The following MTA3 variants were observed in gnomAD, a reference collection of about 807,000 sequenced individuals.
The protein encoded by MTA3 is metastasis-associated protein MTA3.
A neutral mutation model predicts 83.5 loss-of-function variants in MTA3; 34 were observed. That is an observed-to-expected ratio of 0.41 (90% CI 0.31 to 0.54). MTA3 has a LOEUF of 0.54. MTA3 is among the 20% of genes least tolerant of loss of function. The pLI is 0.33. For synonymous variants in MTA3, 303 were observed against 252.7 expected, an observed-to-expected ratio of 1.20 and a Z score of -1.89; for missense variants, 761 against 726.4, an observed-to-expected ratio of 1.05 and a Z score of -0.55.
chr2:42,732,336 T>G (rs1218286632), intron 16 of MTA3, among the ~76,000 whole-genome samples: 1 of 152,224 alleles, frequency 6.6e-6, no homozygotes. Context: ...CAACACCATG[T>G]GGAAGCTGCC....
chr2:42,722,854 T>C (rs566141717), intron 15 of MTA3, 35 bp from the exon 16 acceptor site: 2 of 1,548,954 alleles, frequency 1.3e-6, no homozygotes, highest in South Asian at 1.2e-5. Context: ...TTTAATATCA[T>C]GTTCTGAATT....
chr2:42,684,149 A>G (rs1342304282), intron 9 of MTA3, among the ~76,000 whole-genome samples: 3 of 152,058 alleles, frequency 2.0e-5, no homozygotes, highest in Non-Finnish European at 4.4e-5. Context: ...GTGTTTATGG[A>G]CTTACTGTCT....
chr2:42,554,494 A>G (rs1372696601), intron 2 of MTA3, among the ~76,000 whole-genome samples: 1 of 152,152 alleles, frequency 6.6e-6, no homozygotes, highest in Non-Finnish European at 1.5e-5. Flanking sequence ...CTGTTCTTAG[A>G]GGAAAGAAGG....
intron 3 of MTA3, among the ~76,000 whole-genome samples, chr2:42,602,678 T>G (rs1441255413): frequency 6.6e-6 from 1 of 152,200 alleles, no homozygotes; most frequent in Non-Finnish European, 1.5e-5. Flanking sequence ...GTTCTCTAAA[T>G]GAGGGATTTT....
At chr2:42,590,310 A>C (rs908676916) in intron 3 of MTA3, among the ~76,000 whole-genome samples, 1 of 152,134 alleles carries the variant, frequency 6.6e-6, no homozygotes, top group African/African-American at 2.4e-5. Context: ...TCCCTGGAGT[A>C]GACGTGACTT....
At chr2:42,644,393 A>AAATAAAT in intron 6 of MTA3, 149 bp downstream of exon 6, 1 of 527,486 alleles carries the variant, frequency 1.9e-6, no homozygotes, top group South Asian at 3.0e-5. Context: ...AAAAAATAAA[A>AAATAAAT]AATAAATAAA....
chr2:42,637,012 A>G (rs1039900395), intron 4 of MTA3, among the ~76,000 whole-genome samples: 2 of 152,204 alleles, frequency 1.3e-5, no homozygotes, highest in Non-Finnish European at 2.9e-5. Context: ...TTCAGTCTGT[A>G]GGATTATATG....
rs1339612378 is a variant in MTA3, at chr2:42,508,086, G to C, written c.-141+12832G>C. 4.6e-5 allele frequency among the ~76,000 whole-genome samples: 7 copies of C among 152,186 alleles called. No homozygotes were observed. In the East Asian group the frequency reaches 1.4e-3, roughly 29 times the overall value. On this transcript the variant is annotated intron_variant, in intron 2 of 17. Coordinates refer to the MTA3 transcript ENST00000405592. ...CTGAGTTACACCTGGGCCAGGCTGGGCACCTGCTGTTCCCTCTGCCTAGAG... is the reference window on the plus strand; with the variant it reads ...CTGAGTTACACCTGGGCCAGGCTGGCCACCTGCTGTTCCCTCTGCCTAGAG...
At chr2:42,674,756 G>T (rs1292117035) in intron 8 of MTA3, among the ~76,000 whole-genome samples, 1 of 150,520 alleles carries the variant, frequency 6.6e-6, no homozygotes, top group Non-Finnish European at 1.5e-5. Flanking sequence ...GTGCCACCAT[G>T]CCCGGCTAAT....
chr2:42,604,334 C>T (rs1018784697), intron 3 of MTA3, among the ~76,000 whole-genome samples: 1 of 152,240 alleles, frequency 6.6e-6, no homozygotes, highest in Non-Finnish European at 1.5e-5. Flanking sequence ...TGAGCCACTG[C>T]GCCCGGCGTC....
intron 2 of MTA3, among the ~76,000 whole-genome samples, chr2:42,529,141 T>C (rs1311778293): frequency 1.3e-5 from 2 of 152,164 alleles, no homozygotes; most frequent in Non-Finnish European, 2.9e-5. Context: ...TTTTAAGCAG[T>C]GGAGCCATTT....
At chr2:42,501,276 C>G (rs1235677549) in intron 2 of MTA3, among the ~76,000 whole-genome samples, 1 of 152,132 alleles carries the variant, frequency 6.6e-6, no homozygotes, top group Admixed American at 6.5e-5. Context: ...ACATAGATTC[C>G]TCTGGTCCTA....
intron 14 of MTA3, among the ~76,000 whole-genome samples, chr2:42,710,367 A>G (rs1048457589): frequency 4.6e-5 from 7 of 151,978 alleles, no homozygotes; most frequent in Non-Finnish European, 1.0e-4. Context: ...AGCCTGGTCA[A>G]CATGGTGAAA....
intron 2 of MTA3, among the ~76,000 whole-genome samples, chr2:42,575,632 G>T (rs78262645): frequency 6.6e-6 from 1 of 152,244 alleles, no homozygotes; most frequent in Non-Finnish European, 1.5e-5. Flanking sequence ...AATTGTAGCT[G>T]TGCTAAGTTT....
chr2:42,695,587 A>G lies in MTA3; in HGVS notation c.892-178A>G, dbSNP rs891367421. Among the ~76,000 whole-genome samples the G allele has an allele frequency of 1.1e-4, 15 of 134,130 alleles. 1 individual carries two copies. The South Asian group carries it at 3.7e-3, about 33-fold the overall frequency. 88.0% of individuals were successfully genotyped at this position (134,130 alleles called of 152,430 possible). A position where few individuals can be genotyped will look rare whatever the true frequency, so the allele number is the denominator to read the frequency against. On this transcript the variant is annotated intron_variant, in intron 9 of 16. Transcript: ENST00000405094. The stretch of plus-strand genomic sequence containing the variant: ...GAAGCGGAGGTTGCTGTGAGCTGAC[A>G]TCGCGCCACTGCACTTCAGCCTGGG...
intron 14 of MTA3, among the ~76,000 whole-genome samples, chr2:42,714,658 G>A (rs530014733): frequency 6.6e-5 from 10 of 152,254 alleles, no homozygotes; most frequent in African/African-American, 2.4e-4. Context: ...CTAGGACAGT[G>A]GTCCCCAACC....
At chr2:42,660,888 C>G (rs1456964720) in intron 8 of MTA3, among the ~76,000 whole-genome samples, 1 of 152,080 alleles carries the variant, frequency 6.6e-6, no homozygotes, top group African/African-American at 2.4e-5. Flanking sequence ...ATGTGATTGC[C>G]CAGGCTGGTC....
chr2:42,707,298 C>T lies in MTA3; in HGVS notation c.1151-605C>T, dbSNP rs575864018. Among the ~76,000 whole-genome samples, 3 of 151,560 alleles carry T rather than the reference C, an allele frequency of 2.0e-5. No individual in the cohort carries two copies. The South Asian group carries it at 6.3e-4, about 32-fold the overall frequency. On this transcript the variant is annotated intron_variant, in intron 12 of 16. Transcript: ENST00000405094. ...TCACTCTGTCGCCCAGGCTGGAGTGCAGTGGCGTGATCTCAGCTCACTGTA... is the reference window on the plus strand; with the variant it reads ...TCACTCTGTCGCCCAGGCTGGAGTGTAGTGGCGTGATCTCAGCTCACTGTA...
chr2:42,669,083 A>ATTT (rs761988223), intron 8 of MTA3, among the ~76,000 whole-genome samples: 1 of 130,752 alleles, frequency 7.6e-6, no homozygotes, highest in Admixed American at 7.9e-5. Flanking sequence ...GAAAATACAG[A>ATTT]TTTTTTTTTT....
Sources: allele counts gnomAD v4.1 joint callset (sites outside exome capture counted in the v4.1 genomes callset), GRCh38; gene constraint gnomAD v4.1.1; transcripts MANE v1.5; gene names NCBI Gene and HGNC (gene_info 2026-07-23, HGNC 2026-07-21).